ELFN2: variants seen among roughly 807,000 people sequenced by gnomAD.
The protein encoded by ELFN2 is extracellular leucine rich repeat and fibronectin type III domain containing 2, also known as protein phosphatase 1 regulatory subunit 29.
In ELFN2, 17 loss-of-function variants were observed where a neutral mutation model predicts 45.5. The observed-to-expected ratio is 0.37, with a 90% CI of 0.26 to 0.56. ELFN2 has a LOEUF of 0.56. Among genes scored for constraint, ELFN2 ranks in the 20% least tolerant of loss-of-function variants. The pLI, the probability that ELFN2 is intolerant of heterozygous loss-of-function variation, is 0.77. For synonymous variants in ELFN2, 550 were observed against 551.5 expected (o/e 1.00, Z 0.04); for missense variants, 922 against 1,183.2 (o/e 0.78, Z 3.24).
At chr22:37,381,307 G>C (rs948131380) in intron 2 of ELFN2, among the ~76,000 whole-genome samples, 17 of 79,104 alleles carry the variant, frequency 2.1e-4, no homozygotes, top group Non-Finnish European at 2.8e-4. Context: ...CCAGTCTACT[G>C]GGTTTTCTGC....
At chr22:37,401,710 GC>G (rs1252742170) in intron 2 of ELFN2, among the ~76,000 whole-genome samples, 115 of 152,298 alleles carry the variant, frequency 7.6e-4, no homozygotes, top group African/African-American at 2.7e-3. Flanking sequence ...CAGTAACCAA[GC>G]CGGCCCGGCA....
In ELFN2 at chr22:37,373,141, G is replaced by T. The variant is rs750614033; in HGVS notation, c.2394C>A (p.Phe798Leu). ...AGHALRKKVQ[F>L]AKDEDLHDIL... The stretch of plus-strand genomic sequence containing the variant: ...TGTCATGCAGATCCTCGTCCTTGGC[G>T]AACTGGACCTTCTTGCGCAGGGCGT... Residue 798 changes from phenylalanine to leucine, a missense_variant, in exon 3 of 3, where the codon TTC becomes TTA. This residue lies in a region of ELFN2 where 564 missense variants were observed against 642.8 expected (regional missense o/e 0.88). Transcript: ENST00000402918. 1 of 1,613,340 alleles carries T rather than the reference G, an allele frequency of 6.2e-7. No individual in the cohort carries two copies. The highest frequency in any genetic ancestry group is 1.1e-5 in the South Asian group (1 of 91,066).
chr22:37,351,541 A>G (rs1930820971), intron 1 of ELFN2, among the ~76,000 whole-genome samples: 2 of 149,552 alleles, frequency 1.3e-5, no homozygotes, highest in South Asian at 2.1e-4. Flanking sequence ...CACTGCCCCA[A>G]AACTCCTCTC....
At chr22:37,410,052 A>T (rs900905325) in intron 2 of ELFN2, among the ~76,000 whole-genome samples, 1 of 152,160 alleles carries the variant, frequency 6.6e-6, no homozygotes, top group East Asian at 1.9e-4. Context: ...AAAACCCAGC[A>T]AATGCACAAA....
At chr22:37,352,622 G>T (rs545272853) in intron 1 of ELFN2, among the ~76,000 whole-genome samples, 1 of 150,562 alleles carries the variant, frequency 6.6e-6, no homozygotes, top group Admixed American at 6.6e-5. Context: ...CAAAGTTGGG[G>T]TATATATACC....
At chr22:37,359,948 ATT>A (rs1931042779) in intron 1 of ELFN2, among the ~76,000 whole-genome samples, 1 of 152,208 alleles carries the variant, frequency 6.6e-6, no homozygotes, top group South Asian at 2.1e-4. Context: ...TCACATGCAA[ATT>A]AAGGGGCAGG....
chr22:37,409,835 G>A (rs5756674), intron 2 of ELFN2, among the ~76,000 whole-genome samples: 43,239 of 151,882 alleles, frequency 0.28, 6,742 homozygotes, highest in Non-Finnish European at 0.35. Flanking sequence ...GGCCAGCTGC[G>A]AGGAGAATCC....
intron 2 of ELFN2, among the ~76,000 whole-genome samples, chr22:37,406,307 G>A (rs739169): frequency 0.3 from 45,642 of 152,118 alleles, 7,285 homozygotes; most frequent in Non-Finnish European, 0.36. Context: ...GATTGGATAT[G>A]AAGACCTGGA....
chr22:37,353,587 T>C (rs1367444944), intron 1 of ELFN2: 2 of 150,840 alleles, frequency 1.3e-5, no homozygotes, highest in Non-Finnish European at 1.5e-5. Flanking sequence ...GATAACCTCA[T>C]GGAAAAATGG....
chr22:37,356,647 G>A (rs1930956906), intron 1 of ELFN2, among the ~76,000 whole-genome samples: 3 of 152,182 alleles, frequency 2.0e-5, no homozygotes, highest in African/African-American at 7.2e-5. Flanking sequence ...AGACACTTAT[G>A]TGTGCTCTGC....
intron 2 of ELFN2, among the ~76,000 whole-genome samples, chr22:37,402,566 AG>A: frequency 6.6e-6 from 1 of 152,230 alleles, no homozygotes; most frequent in East Asian, 1.9e-4. Flanking sequence ...GAGGCTCATG[AG>A]GGGGGCAGCA....
chr22:37,421,238 G>A (rs1932806932), intron 1 of ELFN2, among the ~76,000 whole-genome samples: 3 of 152,100 alleles, frequency 2.0e-5, no homozygotes, highest in Admixed American at 2.0e-4. Context: ...CTGCTCACAC[G>A]GTCACTCCAT....
chr22:37,353,762 C>T (rs1488741180), intron 1 of ELFN2: 5 of 151,002 alleles, frequency 3.3e-5, no homozygotes, highest in Non-Finnish European at 5.9e-5. Context: ...TACAACCCAG[C>T]CAGGCTTGGC....
chr22:37,358,411 C>G (rs372795662), intron 1 of ELFN2, among the ~76,000 whole-genome samples: 41 of 152,370 alleles, frequency 2.7e-4, no homozygotes, highest in African/African-American at 9.9e-4. Flanking sequence ...CCGGGGCGAG[C>G]CTCGGTCCAC....
At chr22:37,419,930 C>G (rs1034215608) in intron 1 of ELFN2, among the ~76,000 whole-genome samples, 2 of 152,234 alleles carry the variant, frequency 1.3e-5, no homozygotes, top group Non-Finnish European at 1.5e-5. Context: ...AGCCCCCGCC[C>G]CTGCCGGTCG....
intron 2 of ELFN2, among the ~76,000 whole-genome samples, chr22:37,399,141 C>G (rs572001928): frequency 6.6e-6 from 1 of 152,162 alleles, no homozygotes; most frequent in Non-Finnish European, 1.5e-5. Flanking sequence ...CCTCTCTGAA[C>G]TCGGAGAGGC....
At chr22:37,346,105 T>C (rs940481199) in intron 1 of ELFN2, among the ~76,000 whole-genome samples, 1 of 152,210 alleles carries the variant, frequency 6.6e-6, no homozygotes, top group Non-Finnish European at 1.5e-5. Flanking sequence ...TTGAGGTTGA[T>C]GTGAGAATTA....
At chr22:37,404,142 G>A (rs975106846) in intron 2 of ELFN2, among the ~76,000 whole-genome samples, 1 of 152,196 alleles carries the variant, frequency 6.6e-6, no homozygotes, top group Non-Finnish European at 1.5e-5. Context: ...CCCCGAGGCC[G>A]AGCCAACTCC....
At chr22:37,425,967 CG>C (rs555051722) in intron 1 of ELFN2, among the ~76,000 whole-genome samples, 25 of 151,878 alleles carry the variant, frequency 1.6e-4, no homozygotes, top group Non-Finnish European at 3.1e-4. Context: ...GGGCAGTCCG[CG>C]CCCCACAGCT....
Sources: allele counts gnomAD v4.1 joint callset (sites outside exome capture counted in the v4.1 genomes callset), GRCh38; gene constraint gnomAD v4.1.1; regional missense constraint gnomAD v4.1.1; transcripts MANE v1.5; gene names NCBI Gene and HGNC (gene_info 2026-07-23, HGNC 2026-07-21).